SYK: variants seen among roughly 807,000 people sequenced by gnomAD.
The protein encoded by SYK is tyrosine-protein kinase SYK.
In SYK, 16 loss-of-function variants were observed where a neutral mutation model predicts 77.8. The ratio of observed to expected loss-of-function variants is 0.21; its 90% confidence interval spans 0.14 to 0.31. The LOEUF (loss-of-function observed/expected upper bound fraction) is 0.31. Ranked by LOEUF, SYK falls within the 10% of genes least tolerant of loss-of-function variation. SYK has a pLI of 1.00. For synonymous variants in SYK, 312 were observed against 308.7 expected (o/e 1.01, Z -0.11); for missense variants, 529 against 814.4 (o/e 0.65, Z 4.26).
chr9:90,896,797 C>A lies in SYK; in HGVS notation c.*1197C>A, dbSNP rs158686. 0.13 allele frequency: 29,340 copies of A among 219,104 alleles called. 2,444 individuals carry two copies. The highest frequency in any genetic ancestry group is 0.18 in the Non-Finnish European group (19,712 of 109,262). The allele number at this position is 219,104 out of a possible 1,614,324, so 13.6% of individuals were successfully genotyped here. On this transcript the variant is annotated 3_prime_UTR_variant, in exon 14 of 14. Coordinates refer to ENST00000375754, the MANE Select transcript of SYK (RefSeq NM_003177.7). ...ATCTCAGCACTTTAGGAGGCCGAGGCGGGTGGATCACTTGAGGTAAGGAGT... is the reference window on the plus strand; with the variant it reads ...ATCTCAGCACTTTAGGAGGCCGAGGAGGGTGGATCACTTGAGGTAAGGAGT...
chr9:90,802,813 A>G (rs1826779789), intron 1 of SYK, among the ~76,000 whole-genome samples: 1 of 146,578 alleles, frequency 6.8e-6, no homozygotes, highest in African/African-American at 2.5e-5. Context: ...TGCAGCGTGT[A>G]GTAAAAAAAA....
intron 3 of SYK, among the ~76,000 whole-genome samples, chr9:90,860,308 T>G (rs570191957): frequency 6.6e-6 from 1 of 152,384 alleles, no homozygotes; most frequent in South Asian, 2.1e-4. Context: ...TTTGGATAGC[T>G]CTCTATACCC....
At chr9:90,825,132 A>C (rs1264047628) in intron 1 of SYK, among the ~76,000 whole-genome samples, 2 of 151,564 alleles carry the variant, frequency 1.3e-5, no homozygotes, top group African/African-American at 2.4e-5. Context: ...AAAAAAAAAA[A>C]CACAAGAAAA....
intron 7 of SYK, among the ~76,000 whole-genome samples, chr9:90,869,833 C>T (rs1827660807): frequency 6.6e-6 from 1 of 152,226 alleles, no homozygotes; most frequent in South Asian, 2.1e-4. Flanking sequence ...TACTGCCAAG[C>T]ACAGTGGCTC....
At chr9:90,882,516 G>C (rs1273790199) in intron 11 of SYK, among the ~76,000 whole-genome samples, 1 of 152,230 alleles carries the variant, frequency 6.6e-6, no homozygotes, top group African/African-American at 2.4e-5. Flanking sequence ...CAAACCCAGA[G>C]AGAGGGTTTT....
At position 90,896,878 on chromosome 9, in the gene SYK, T is replaced by G. The variant is rs1464894425; in HGVS notation, c.*1278T>G. The G allele has an allele frequency of 2.0e-5, 4 of 197,888 alleles. No individual in the cohort carries two copies. The highest frequency in any genetic ancestry group is 3.1e-5 in the Non-Finnish European group (3 of 95,682). The allele number at this position is 197,888 out of a possible 1,614,324, so 12.3% of individuals were successfully genotyped here. Reference sequence around the variant, plus strand: ...CCCATCTCTACTAAAAATACAAAAATTAGCCGGGCATGGTGGCATGTGTCT... The same window carrying G: ...CCCATCTCTACTAAAAATACAAAAAGTAGCCGGGCATGGTGGCATGTGTCT... On this transcript the variant is annotated 3_prime_UTR_variant, in exon 14 of 14. Coordinates refer to ENST00000375754, the MANE Select transcript of SYK (RefSeq NM_003177.7).
At chr9:90,887,681 G>T in intron 11 of SYK, 68 bp from the exon 12 acceptor site, 1 of 1,517,748 alleles carries the variant, frequency 6.6e-7, no homozygotes. Context: ...GGGATTACAG[G>T]CATGAACCAA....
intron 1 of SYK, among the ~76,000 whole-genome samples, chr9:90,816,066 G>GTTTGT (rs915818152): frequency 3.3e-5 from 5 of 152,120 alleles, no homozygotes; most frequent in African/African-American, 9.7e-5. Flanking sequence ...TTTTTTGTTT[G>GTTTGT]TTTGTTTTGT....
At chr9:90,858,328 T>G (rs1827122243) in intron 3 of SYK, among the ~76,000 whole-genome samples, 1 of 152,246 alleles carries the variant, frequency 6.6e-6, no homozygotes. Context: ...TTAGGACAGC[T>G]TCTCAGCATC....
chr9:90,806,686 C>T (rs1350076120), intron 1 of SYK, among the ~76,000 whole-genome samples: 1 of 152,172 alleles, frequency 6.6e-6, no homozygotes, highest in East Asian at 1.9e-4. Flanking sequence ...GAAAATATTT[C>T]TCCAGAGCTT....
At chr9:90,884,366 CAT>C (rs1828336676) in intron 11 of SYK, among the ~76,000 whole-genome samples, 1 of 145,326 alleles carries the variant, frequency 6.9e-6, no homozygotes, top group Non-Finnish European at 1.5e-5. Flanking sequence ...TGTATACATA[CAT>C]ACACACATAC....
In SYK at chr9:90,884,150, T is replaced by TGTGTATATACACACATACACATAC. The variant is rs1828272410; in HGVS notation, c.1582-3590_1582-3589insCACACATACACATACGTGTATATA. Among the ~76,000 whole-genome samples the TGTGTATATACACACATACACATAC allele has an allele frequency of 8.5e-4, 61 of 71,454 alleles. 3 individuals carry two copies. Among genetic ancestry groups the TGTGTATATACACACATACACATAC allele is most frequent in the East Asian group, 2.3e-3 (4 of 1,754 alleles). 46.9% of individuals were successfully genotyped at this position (71,454 alleles called of 152,430 possible). On this transcript the variant is annotated intron_variant, in intron 11 of 13. Coordinates refer to ENST00000375754, the MANE Select transcript of SYK (RefSeq NM_003177.7). The stretch of plus-strand genomic sequence containing the variant: ...AGTGCCCTACATATATATATGTGTG[T>TGTGTATATACACACATACACATAC]GTGTATATATACACACATACACATA...
chr9:90,822,686 C>T (rs1229736322), intron 1 of SYK, among the ~76,000 whole-genome samples: 1 of 152,128 alleles, frequency 6.6e-6, no homozygotes, highest in East Asian at 1.9e-4. Flanking sequence ...AGGATGAGTC[C>T]AGGTGATATT....
At chr9:90,822,411 G>T (rs1825548781) in intron 1 of SYK, among the ~76,000 whole-genome samples, 1 of 152,184 alleles carries the variant, frequency 6.6e-6, no homozygotes, top group African/African-American at 2.4e-5. Context: ...ATTAAAAGCA[G>T]TCTCATCAAT....
chr9:90,896,877 A>C lies in SYK; in HGVS notation c.*1277A>C. On this transcript the variant is annotated 3_prime_UTR_variant, in exon 14 of 14. Coordinates refer to ENST00000375754, the MANE Select transcript of SYK (RefSeq NM_003177.7). ...CCCCATCTCTACTAAAAATACAAAA[A>C]TTAGCCGGGCATGGTGGCATGTGTC... 5.1e-6 allele frequency: 1 copy of C among 197,756 alleles called. No individual in the cohort carries two copies. 12.3% of individuals were successfully genotyped at this position (197,756 alleles called of 1,614,324 possible).
intron 3 of SYK, among the ~76,000 whole-genome samples, chr9:90,860,621 T>C (rs1827218932): frequency 6.6e-6 from 1 of 152,162 alleles, no homozygotes; most frequent in African/African-American, 2.4e-5. Flanking sequence ...AGAACCTAGA[T>C]ATGTGTCCTG....
chr9:90,869,738 T>C (rs770298019), intron 7 of SYK, among the ~76,000 whole-genome samples: 1 of 152,274 alleles, frequency 6.6e-6, no homozygotes, highest in Admixed American at 6.5e-5. Flanking sequence ...GATTTGAAGA[T>C]GATTATGAAT....
rs571243277 is a variant in SYK, at chr9:90,843,760, AG to A, written c.-41-95del. The A allele has an allele frequency of 1.5e-3, 1,363 of 897,910 alleles. 4 individuals are homozygous for A. Among genetic ancestry groups the A allele is most frequent in the Non-Finnish European group, 1.6e-3 (1,030 of 641,900 alleles). The allele number at this position is 897,910 out of a possible 1,614,324, so 55.6% of individuals were successfully genotyped here. A position where few individuals can be genotyped will look rare whatever the true frequency, so the allele number is the denominator to read the frequency against. On this transcript the variant is annotated intron_variant, in intron 1 of 13. Coordinates refer to ENST00000375754, the MANE Select transcript of SYK (RefSeq NM_003177.7). ...GGAAGTGCCTTTGTTCAGAGATGGG[AG>A]GGTTTGTCTCCACTTTGAAAGGGTT...
intron 11 of SYK, among the ~76,000 whole-genome samples, chr9:90,884,410 T>C (rs116355382): frequency 0.056 from 375 of 6,728 alleles, 142 homozygotes; most frequent in African/African-American, 0.13. Flanking sequence ...CATATGTGTA[T>C]ATATACATAC....
Sources: allele counts gnomAD v4.1 joint callset (sites outside exome capture counted in the v4.1 genomes callset), GRCh38; gene constraint gnomAD v4.1.1; transcripts MANE v1.5; gene names NCBI Gene and HGNC (gene_info 2026-07-23, HGNC 2026-07-21).